Variants in HS6ST3 observed in about 807,000 individuals in gnomAD.
HS6ST3 encodes the protein heparan-sulfate 6-O-sulfotransferase 3.
Under a neutral mutation model 36.7 loss-of-function variants are expected in HS6ST3, and 12 were observed. That is an observed-to-expected ratio of 0.33 (90% CI 0.21 to 0.53). The LOEUF (loss-of-function observed/expected upper bound fraction) is 0.53. HS6ST3 is among the 20% of genes least tolerant of loss of function. The pLI, the probability that HS6ST3 is intolerant of heterozygous loss-of-function variation, is 0.95. For synonymous variants in HS6ST3, 240 were observed against 257.5 expected (o/e 0.93, Z 0.65); for missense variants, 584 against 640.9 (o/e 0.91, Z 0.96).
At chr13:96,350,549 T>C (rs1197646794) in intron 1 of HS6ST3, among the ~76,000 whole-genome samples, 1 of 152,234 alleles carries the variant, frequency 6.6e-6, no homozygotes, top group Non-Finnish European at 1.5e-5. Context: ...TGGGGGTCTC[T>C]AACTCTAATC....
At chr13:96,139,541 G>GCAAAA (rs371698480) in intron 1 of HS6ST3, among the ~76,000 whole-genome samples, 7 of 66,260 alleles carry the variant, frequency 1.1e-4, no homozygotes, top group African/African-American at 3.1e-4. Context: ...GTAAGATTCA[G>GCAAAA]AAAAAAAAAA....
chr13:96,421,367 C>T (rs146026934), intron 1 of HS6ST3, among the ~76,000 whole-genome samples: 23 of 152,292 alleles, frequency 1.5e-4, no homozygotes, highest in Non-Finnish European at 2.6e-4. Context: ...CCCAAATCTT[C>T]AGGGGAGGGA....
intron 1 of HS6ST3, among the ~76,000 whole-genome samples, chr13:96,779,923 T>G (rs1877483215): frequency 6.6e-6 from 1 of 152,158 alleles, no homozygotes; most frequent in African/African-American, 2.4e-5. Context: ...GGAATGCTGT[T>G]AGTGGAATGT....
At chr13:96,765,622 CTCTCTCTG>C (rs763561609) in intron 1 of HS6ST3, among the ~76,000 whole-genome samples, 2 of 137,572 alleles carry the variant, frequency 1.5e-5, no homozygotes, top group African/African-American at 5.6e-5. Context: ...CTCTCTCTCT[CTCTCTCTG>C]TTTCTGTCTC....
intron 1 of HS6ST3, among the ~76,000 whole-genome samples, chr13:96,792,641 C>A (rs1016617446): frequency 6.6e-5 from 10 of 151,996 alleles, no homozygotes; most frequent in African/African-American, 2.4e-4. Context: ...GACAGAGAGG[C>A]CTCTGGTCCA....
intron 1 of HS6ST3, among the ~76,000 whole-genome samples, chr13:96,289,405 G>T (rs965736830): frequency 6.6e-6 from 1 of 152,100 alleles, no homozygotes; most frequent in Non-Finnish European, 1.5e-5. Context: ...TGGTAGACTG[G>T]AATAAGTACC....
intron 1 of HS6ST3, among the ~76,000 whole-genome samples, chr13:96,404,751 A>T (rs1023090510): frequency 4.3e-4 from 66 of 152,202 alleles, no homozygotes; most frequent in African/African-American, 1.5e-3. Flanking sequence ...ATTAGATCAG[A>T]TAATAGAATT....
At chr13:96,397,382 C>G (rs1202752689) in intron 1 of HS6ST3, among the ~76,000 whole-genome samples, 1 of 151,910 alleles carries the variant, frequency 6.6e-6, no homozygotes, top group Admixed American at 6.6e-5. Flanking sequence ...TCCCTTTGAT[C>G]CACTCATTCT....
chr13:96,521,956 T>C (rs751836411), intron 1 of HS6ST3, among the ~76,000 whole-genome samples: 1 of 152,222 alleles, frequency 6.6e-6, no homozygotes, highest in African/African-American at 2.4e-5. Flanking sequence ...GTGTCGATTT[T>C]CGATCTCTCC....
At chr13:96,574,432 G>C (rs2056313350) in intron 1 of HS6ST3, 1 of 495,558 alleles carries the variant, frequency 2.0e-6, no homozygotes, top group South Asian at 2.0e-5. Context: ...GTTTTGCAGA[G>C]TATATTGCTT....
At chr13:96,273,004 C>T (rs1196514069) in intron 1 of HS6ST3, among the ~76,000 whole-genome samples, 1 of 151,900 alleles carries the variant, frequency 6.6e-6, no homozygotes, top group African/African-American at 2.4e-5. Context: ...AATCATGCAG[C>T]TTTTTCAAAC....
chr13:96,755,439 A>G (rs530260378), intron 1 of HS6ST3, among the ~76,000 whole-genome samples: 2 of 152,088 alleles, frequency 1.3e-5, no homozygotes, highest in Admixed American at 1.3e-4. Flanking sequence ...GTCTCAGCTC[A>G]CTGCAACCTC....
chr13:96,703,912 G>T (rs1875352731), intron 1 of HS6ST3, among the ~76,000 whole-genome samples: 1 of 152,054 alleles, frequency 6.6e-6, no homozygotes, highest in Admixed American at 6.6e-5. Flanking sequence ...AAAGTGTTTG[G>T]CTTTCCCTCT....
At chr13:96,561,105 G>A (rs1335864340) in intron 1 of HS6ST3, among the ~76,000 whole-genome samples, 1 of 152,076 alleles carries the variant, frequency 6.6e-6, no homozygotes, top group African/African-American at 2.4e-5. Flanking sequence ...AAAGCCAGAG[G>A]CATCACATTA....
intron 1 of HS6ST3, among the ~76,000 whole-genome samples, chr13:96,529,184 G>C (rs1247734036): frequency 6.6e-6 from 1 of 152,088 alleles, no homozygotes; most frequent in East Asian, 1.9e-4. Flanking sequence ...TGCTGATCTA[G>C]AGTTAGAAAT....
intron 1 of HS6ST3, among the ~76,000 whole-genome samples, chr13:96,092,283 C>T (rs1034556787): frequency 2.6e-5 from 4 of 152,138 alleles, no homozygotes; most frequent in Admixed American, 1.3e-4. Context: ...CTACAGGGTG[C>T]CTGACAGTGT....
intron 1 of HS6ST3, among the ~76,000 whole-genome samples, chr13:96,626,496 C>T (rs2056512942): frequency 6.6e-6 from 1 of 152,140 alleles, no homozygotes; most frequent in South Asian, 2.1e-4. Flanking sequence ...AAGAATTTTA[C>T]TGTCTTCTTA....
At chr13:96,780,871 G>A (rs1877508031) in intron 1 of HS6ST3, among the ~76,000 whole-genome samples, 1 of 151,958 alleles carries the variant, frequency 6.6e-6, no homozygotes, top group Admixed American at 6.6e-5. Flanking sequence ...GAAGTGTGAG[G>A]AAGGATAAAT....
intron 1 of HS6ST3, among the ~76,000 whole-genome samples, chr13:96,333,227 A>G (rs1471644074): frequency 6.6e-6 from 1 of 152,224 alleles, no homozygotes; most frequent in African/African-American, 2.4e-5. Flanking sequence ...GCCATAGGCT[A>G]ATATTGAGAA....
Sources: gnomAD v4.1 joint callset for allele counts (sites outside exome capture counted in the v4.1 genomes callset) on GRCh38, gnomAD v4.1.1 for gene constraint, MANE v1.5 for transcripts, NCBI Gene and HGNC (gene_info 2026-07-23, HGNC 2026-07-21) for gene names.